KCNIP4: variants seen among roughly 807,000 people sequenced by gnomAD.
The protein encoded by KCNIP4 is potassium voltage-gated channel interacting protein 4.
In KCNIP4, 12 loss-of-function variants were observed where a neutral mutation model predicts 34.0. The observed-to-expected ratio is 0.35, with a 90% CI of 0.23 to 0.57. KCNIP4 has a LOEUF of 0.57. Among genes scored for constraint, KCNIP4 ranks in the 20% least tolerant of loss-of-function variants. The pLI is 0.83. For synonymous variants in KCNIP4, 124 were observed against 102.2 expected (o/e 1.21, Z -1.29); for missense variants, 238 against 311.7 (o/e 0.76, Z 1.78).
At chr4:20,897,939 A>G (rs1195142167) in intron 1 of KCNIP4, among the ~76,000 whole-genome samples, 1 of 152,104 alleles carries the variant, frequency 6.6e-6, no homozygotes, top group East Asian at 1.9e-4. Flanking sequence ...ATACCTGGTC[A>G]AATATTCTTT....
At chr4:21,438,817 G>A (rs1445233578) in intron 1 of KCNIP4, among the ~76,000 whole-genome samples, 1 of 152,068 alleles carries the variant, frequency 6.6e-6, no homozygotes, top group Non-Finnish European at 1.5e-5. Context: ...AATTTCAGGA[G>A]AATTTCAGGG....
At chr4:21,751,519 A>C (rs1717150478) in intron 1 of KCNIP4, among the ~76,000 whole-genome samples, 1 of 152,188 alleles carries the variant, frequency 6.6e-6, no homozygotes, top group African/African-American at 2.4e-5. Context: ...TGGATGGAAC[A>C]AGATTTGAAA....
At chr4:21,441,444 C>G (rs1053476863) in intron 1 of KCNIP4, among the ~76,000 whole-genome samples, 1 of 151,918 alleles carries the variant, frequency 6.6e-6, no homozygotes, top group African/African-American at 2.4e-5. Flanking sequence ...CGCCCGGCCA[C>G]GACACCTTTC....
chr4:21,890,837 G>A (rs1480317914), intron 1 of KCNIP4, among the ~76,000 whole-genome samples: 3 of 152,130 alleles, frequency 2.0e-5, no homozygotes, highest in African/African-American at 7.2e-5. Context: ...CAATGTCCAA[G>A]AAGCTGAAGA....
intron 1 of KCNIP4, among the ~76,000 whole-genome samples, chr4:21,396,057 C>T (rs1193818972): frequency 6.7e-6 from 1 of 150,024 alleles, no homozygotes; most frequent in Non-Finnish European, 1.5e-5. Context: ...GTAGAGTCTC[C>T]TATATATAGT....
intron 1 of KCNIP4, among the ~76,000 whole-genome samples, chr4:21,554,883 G>T (rs11943551): frequency 0.43 from 65,739 of 151,898 alleles, 14,390 homozygotes; most frequent in East Asian, 0.64. Flanking sequence ...TGCACACTAG[G>T]TACTGAATAA....
intron 1 of KCNIP4, among the ~76,000 whole-genome samples, chr4:21,760,678 G>A (rs1180885148): frequency 6.6e-6 from 1 of 152,044 alleles, no homozygotes; most frequent in Non-Finnish European, 1.5e-5. Context: ...ATCAATTACA[G>A]AGGATTAGAA....
chr4:21,753,665 C>G (rs1433910002), intron 1 of KCNIP4, among the ~76,000 whole-genome samples: 1 of 152,158 alleles, frequency 6.6e-6, no homozygotes, highest in African/African-American at 2.4e-5. Context: ...TGTACCCTCA[C>G]TGGGTTAGTA....
chr4:21,065,740 A>AT (rs1483991442), intron 1 of KCNIP4, among the ~76,000 whole-genome samples: 6 of 140,868 alleles, frequency 4.3e-5, no homozygotes, highest in African/African-American at 1.6e-4. Context: ...ATATATATAT[A>AT]TATATATATA....
At chr4:20,832,544 C>A (rs183843337) in intron 3 of KCNIP4, among the ~76,000 whole-genome samples, 4 of 152,010 alleles carry the variant, frequency 2.6e-5, no homozygotes, top group Admixed American at 2.0e-4. Flanking sequence ...TTTTATTGGT[C>A]ATATTATATG....
intron 1 of KCNIP4, among the ~76,000 whole-genome samples, chr4:21,573,887 T>C (rs1236709058): frequency 6.6e-6 from 1 of 152,204 alleles, no homozygotes; most frequent in Non-Finnish European, 1.5e-5. Context: ...TTATTGATGC[T>C]GAAAAGCTAA....
At chr4:21,888,656 T>C (rs1007083980) in intron 1 of KCNIP4, among the ~76,000 whole-genome samples, 2 of 152,080 alleles carry the variant, frequency 1.3e-5, no homozygotes, top group Non-Finnish European at 2.9e-5. Flanking sequence ...GTTAATTTCA[T>C]ATTTTGTATG....
At chr4:21,123,351 T>C (rs1750335889) in intron 1 of KCNIP4, among the ~76,000 whole-genome samples, 1 of 152,134 alleles carries the variant, frequency 6.6e-6, no homozygotes, top group South Asian at 2.1e-4. Flanking sequence ...AACAGAAACA[T>C]CCCTGTCCTC....
chr4:21,044,360 G>A (rs1282766407), intron 1 of KCNIP4, among the ~76,000 whole-genome samples: 1 of 151,906 alleles, frequency 6.6e-6, no homozygotes, highest in Non-Finnish European at 1.5e-5. Flanking sequence ...CACCCAGACT[G>A]GAGTGCAATG....
chr4:21,772,026 T>C lies in KCNIP4; in HGVS notation c.61+176545A>G, dbSNP rs539501390. On this transcript the variant is annotated intron_variant, in intron 1 of 8. Coordinates refer to ENST00000382152, the MANE Select transcript of KCNIP4 (RefSeq NM_025221.6). ...CACTTTCAAAGGGAATGCCTCCAGC[T>C]TTTGCCCATTCAATATGATATTGGC... Among the ~76,000 whole-genome samples, 6 of 152,296 alleles carry C rather than the reference T, an allele frequency of 3.9e-5. 1 individual carries two copies. The South Asian group carries it at 6.2e-4, about 16-fold the overall frequency.
intron 1 of KCNIP4, among the ~76,000 whole-genome samples, chr4:21,546,366 T>C (rs1026541813): frequency 1.3e-5 from 2 of 152,072 alleles, no homozygotes; most frequent in African/African-American, 4.8e-5. Flanking sequence ...AAGCAAAAAG[T>C]TGACTCTTCA....
At chr4:20,745,244 C>T (rs1007531582) in intron 5 of KCNIP4, among the ~76,000 whole-genome samples, 2 of 151,990 alleles carry the variant, frequency 1.3e-5, no homozygotes, top group African/African-American at 2.4e-5. Flanking sequence ...GTATCCTTTT[C>T]TAGTATTTGT....
intron 1 of KCNIP4, among the ~76,000 whole-genome samples, chr4:21,535,965 C>A (rs1737132160): frequency 6.6e-6 from 1 of 152,052 alleles, no homozygotes; most frequent in Non-Finnish European, 1.5e-5. Context: ...TATATCTCAC[C>A]TTCTATCTCC....
intron 1 of KCNIP4, among the ~76,000 whole-genome samples, chr4:21,371,044 G>GT (rs1720400538): frequency 7.1e-6 from 1 of 141,362 alleles, no homozygotes; most frequent in Non-Finnish European, 1.5e-5. Context: ...GTCTGGTGGG[G>GT]GTAGGGGTGA....
Sources: allele counts gnomAD v4.1 joint callset (sites outside exome capture counted in the v4.1 genomes callset), GRCh38; gene constraint gnomAD v4.1.1; transcripts MANE v1.5; gene names NCBI Gene and HGNC (gene_info 2026-07-23, HGNC 2026-07-21).